OSBPL1A: variants seen among roughly 807,000 people sequenced by gnomAD.
OSBPL1A encodes the protein oxysterol binding protein like 1A.
A neutral mutation model predicts 137.1 loss-of-function variants in OSBPL1A; 80 were observed. That is an observed-to-expected ratio of 0.58 (90% CI 0.49 to 0.70). OSBPL1A has a LOEUF of 0.70. Among genes scored for constraint, OSBPL1A ranks in the 30% least tolerant of loss-of-function variants. The probability of loss-of-function intolerance (pLI) is 0.00; values close to 1 mark genes in which losing one functional copy is unlikely to be tolerated. For missense variants in OSBPL1A, 970 were observed against 1,129.4 expected (o/e 0.86, Z 2.02); for synonymous variants, 365 against 389.7 (o/e 0.94, Z 0.75).
At chr18:24,355,029 C>G (rs78721117) in intron 4 of OSBPL1A, among the ~76,000 whole-genome samples, 4 of 152,276 alleles carry the variant, frequency 2.6e-5, no homozygotes, top group Admixed American at 6.5e-5. Context: ...TCAGTGAACT[C>G]AGGTCCACAG....
chr18:24,183,817 C>T (rs150369079), intron 18 of OSBPL1A, among the ~76,000 whole-genome samples: 4 of 152,222 alleles, frequency 2.6e-5, no homozygotes, highest in Non-Finnish European at 5.9e-5. Flanking sequence ...GATCTTTTAG[C>T]GGGGTGTTAT....
intron 7 of OSBPL1A, among the ~76,000 whole-genome samples, chr18:24,324,603 T>TTAAAA (rs1568028205): frequency 1.8e-4 from 1 of 5,654 alleles, no homozygotes; most frequent in African/African-American, 1.5e-3. Flanking sequence ...AATATGAATA[T>TTAAAA]AAAAAAAAAA....
chr18:24,259,071 G>T (rs538634410), intron 15 of OSBPL1A, among the ~76,000 whole-genome samples: 15 of 151,534 alleles, frequency 9.9e-5, no homozygotes, highest in Non-Finnish European at 2.2e-4. Context: ...CCGAGTAGTG[G>T]GACTACGCCC....
rs2090675902 is a variant in OSBPL1A, at chr18:24,314,178, C to A, written c.969+71G>T. The A allele has an allele frequency of 1.5e-5, 15 of 970,476 alleles. No individual in the cohort carries two copies. The South Asian group carries it at 2.3e-4, about 15-fold the overall frequency. The allele number at this position is 970,476 out of a possible 1,614,324, so 60.1% of individuals were successfully genotyped here. On this transcript the variant is annotated intron_variant, in intron 12 of 27. Coordinates refer to ENST00000319481, the MANE Select transcript of OSBPL1A (RefSeq NM_080597.4). ...AAGATGTTGGATGTTACCACTGAACCTATGTTATATTCTCCGTGTCTTTAA... is the reference window on the plus strand; with the variant it reads ...AAGATGTTGGATGTTACCACTGAACATATGTTATATTCTCCGTGTCTTTAA...
intron 4 of OSBPL1A, among the ~76,000 whole-genome samples, chr18:24,356,689 C>T (rs2091541829): frequency 6.6e-6 from 1 of 151,566 alleles, no homozygotes; most frequent in African/African-American, 2.4e-5. Context: ...TGGCTACTCA[C>T]CCCCAGCCAT....
rs560434885 is a variant in OSBPL1A at position 24,162,428 on chromosome 18, A to G, written c.*751T>C. 3.3e-5 allele frequency: 5 copies of G among 152,314 alleles called. No homozygotes were observed. The highest frequency in any genetic ancestry group is 2.1e-4 in the South Asian group (1 of 4,824). 9.4% of individuals were successfully genotyped at this position (152,314 alleles called of 1,614,324 possible). A position where few individuals can be genotyped will look rare whatever the true frequency, so the allele number is the denominator to read the frequency against. On this transcript the variant is annotated 3_prime_UTR_variant, in exon 28 of 28. Transcript: ENST00000319481. ...CATTATGTAATGGTGATTAAAATCT[A>G]TATTTCTAGGGCATTTTTGTGAATT...
intron 15 of OSBPL1A, among the ~76,000 whole-genome samples, chr18:24,259,967 T>C (rs275857): frequency 6.6e-6 from 1 of 152,020 alleles, no homozygotes; most frequent in Non-Finnish European, 1.5e-5. Flanking sequence ...TACACAATCA[T>C]GTACAGAACT....
At chr18:24,341,692 G>T in intron 4 of OSBPL1A, 34 bp from the exon 5 acceptor site, 1 of 1,473,820 alleles carries the variant, frequency 6.8e-7, no homozygotes, top group Non-Finnish European at 9.4e-7. Context: ...TAACTATTAA[G>T]CTAAGATTTT....
intron 21 of OSBPL1A, among the ~76,000 whole-genome samples, chr18:24,175,897 C>G (rs1245201261): frequency 6.6e-6 from 1 of 152,200 alleles, no homozygotes; most frequent in Non-Finnish European, 1.5e-5. Context: ...GTGGAAAGGA[C>G]TATTCTTCTT....
At chr18:24,176,959 C>T (rs768415697) in intron 21 of OSBPL1A, among the ~76,000 whole-genome samples, 8 of 152,196 alleles carry the variant, frequency 5.3e-5, no homozygotes, top group Non-Finnish European at 1.0e-4. Context: ...CTCTCCCCTC[C>T]GGCTGGCAAG....
At chr18:24,187,269 G>T (rs558611263) in intron 18 of OSBPL1A, among the ~76,000 whole-genome samples, 3 of 152,088 alleles carry the variant, frequency 2.0e-5, no homozygotes, top group Non-Finnish European at 2.9e-5. Flanking sequence ...TCGAGGGGAC[G>T]GTTTCAGTTT....
chr18:24,235,646 T>C (rs1292454838), intron 16 of OSBPL1A, among the ~76,000 whole-genome samples: 1 of 152,132 alleles, frequency 6.6e-6, no homozygotes, highest in Non-Finnish European at 1.5e-5. Flanking sequence ...GGAGAAATAG[T>C]ATCTGGGAGG....
At chr18:24,346,357 G>T (rs1246014964) in intron 4 of OSBPL1A, among the ~76,000 whole-genome samples, 1 of 152,138 alleles carries the variant, frequency 6.6e-6, no homozygotes, top group Non-Finnish European at 1.5e-5. Context: ...TGCTAAAAGT[G>T]CACAATTCTG....
chr18:24,163,456 G>A (rs1322144131), intron 27 of OSBPL1A, among the ~76,000 whole-genome samples, 175 bp from the exon 28 acceptor site: 1 of 152,162 alleles, frequency 6.6e-6, no homozygotes, highest in Non-Finnish European at 1.5e-5. Context: ...ACAGGTCTGT[G>A]GAATAATATT....
intron 17 of OSBPL1A, among the ~76,000 whole-genome samples, chr18:24,216,284 T>C (rs546437625): frequency 1.2e-4 from 18 of 152,310 alleles, no homozygotes; most frequent in African/African-American, 3.8e-4. Flanking sequence ...GGCGGGTGGA[T>C]TGCCCGAGCT....
chr18:24,196,318 T>C, intron 17 of OSBPL1A, 118 bp from the exon 18 acceptor site: 1 of 703,900 alleles, frequency 1.4e-6, no homozygotes. Flanking sequence ...AAAATGTGTG[T>C]CATCACAGAC....
In OSBPL1A at chr18:24,334,282, GC is replaced by G; in HGVS notation, c.442del (p.Ala148GlnfsTer28). On this transcript the variant is annotated frameshift_variant, in exon 6 of 28. Transcript: ENST00000319481. LOFTEE classifies it high-confidence loss of function. ...QRKLEELLLA[A>X]AREGKTTELT... Reference sequence around the variant, plus strand: ...TTCTGTTGTTTTGCCTTCTCTTGCTGCTGCTAAAAGTAATTCTTCAAGCTTT... The same window carrying G: ...TTCTGTTGTTTTGCCTTCTCTTGCTGTGCTAAAAGTAATTCTTCAAGCTTT... 6.2e-7 allele frequency: 1 copy of G among 1,611,926 alleles called. No individual in the cohort carries two copies. Among genetic ancestry groups the G allele is most frequent in the East Asian group, 2.2e-5 (1 of 44,676 alleles).
chr18:24,233,362 A>ACTATCT (rs2088341136), intron 16 of OSBPL1A, among the ~76,000 whole-genome samples: 1 of 152,106 alleles, frequency 6.6e-6, no homozygotes, highest in South Asian at 2.1e-4. Context: ...TAATATCAAT[A>ACTATCT]CTATCTCATC....
rs117875990 is a variant in OSBPL1A, at chr18:24,187,251, T to C, written c.1678-5972A>G. 3.9e-3 allele frequency among the ~76,000 whole-genome samples: 598 copies of C among 151,950 alleles called. 1 individual carries two copies. The highest frequency in any genetic ancestry group is 6.3e-3 in the Non-Finnish European group (425 of 67,952). ...GGCTGATGAAGGGGAAGTAGGGAAG[T>C]TGGTGTTTCGAGGGGACGGTTTCAG... On this transcript the variant is annotated intron_variant, in intron 18 of 27. Transcript: ENST00000319481.
Sources: allele counts gnomAD v4.1 joint callset (sites outside exome capture counted in the v4.1 genomes callset), GRCh38; gene constraint gnomAD v4.1.1; transcripts MANE v1.5; gene names NCBI Gene and HGNC (gene_info 2026-07-23, HGNC 2026-07-21).